Variants in SRPK2 observed in about 807,000 individuals in gnomAD.
SRPK2 encodes SRSF protein kinase 2.
Under a neutral mutation model 90.8 loss-of-function variants are expected in SRPK2, and 21 were observed. That is an observed-to-expected ratio of 0.23 (90% confidence interval 0.16 to 0.33). The LOEUF (loss-of-function observed/expected upper bound fraction) is 0.33. SRPK2 is among the 10% of genes least tolerant of loss of function. The probability of loss-of-function intolerance (pLI) is 1.00; values close to 1 mark genes in which losing one functional copy is unlikely to be tolerated. For synonymous variants in SRPK2, 288 were observed against 311.1 expected, an observed-to-expected ratio of 0.93 and a Z score of 0.78; for missense variants, 620 against 869.0, an observed-to-expected ratio of 0.71 and a Z score of 3.60.
chr7:105,122,829 A>T (rs1800594144), intron 15 of SRPK2, among the ~76,000 whole-genome samples: 1 of 150,678 alleles, frequency 6.6e-6, no homozygotes, highest in Non-Finnish European at 1.5e-5. Context: ...ACACATGCAC[A>T]CAATCACTCT....
chr7:105,170,786 A>AAGGAAGGAAGGAAGGAAGGAC (rs1554435294), intron 3 of SRPK2, among the ~76,000 whole-genome samples: 12 of 67,586 alleles, frequency 1.8e-4, no homozygotes, highest in Admixed American at 3.6e-4. Context: ...GAAGGACGGG[A>AAGGAAGGAAGGAAGGAAGGAC]GGGAGGGAGG....
chr7:105,159,448 C>CAAAAAAAAAAAAAAAAAAAAAAAAAAAA (rs765544583), intron 7 of SRPK2, among the ~76,000 whole-genome samples: 6 of 33,138 alleles, frequency 1.8e-4, no homozygotes, highest in Non-Finnish European at 3.1e-4. Context: ...ACTCCGTCTC[C>CAAAAAAAAAAAAAAAAAAAAAAAAAAAA]AAAAAAAAAA....
chr7:105,219,286 A>C (rs1178527369), intron 2 of SRPK2, among the ~76,000 whole-genome samples: 1 of 152,128 alleles, frequency 6.6e-6, no homozygotes, highest in Non-Finnish European at 1.5e-5. Context: ...GAACAGTTAG[A>C]ATCAGACCAG....
chr7:105,182,782 T>C (rs1793054823), intron 3 of SRPK2, among the ~76,000 whole-genome samples: 1 of 152,198 alleles, frequency 6.6e-6, no homozygotes, highest in Non-Finnish European at 1.5e-5. Context: ...TTGACTTTGT[T>C]ACTTGTAAGG....
intron 2 of SRPK2, among the ~76,000 whole-genome samples, chr7:105,380,351 CAAACTCCTG>C (rs532299364): frequency 6.6e-5 from 10 of 151,520 alleles, no homozygotes; most frequent in Middle Eastern, 3.5e-3. Flanking sequence ...AGGCTGGTCT[CAAACTCCTG>C]ACCTCTAGTG....
intron 3 of SRPK2, among the ~76,000 whole-genome samples, chr7:105,184,256 G>A (rs1362278009): frequency 1.8e-4 from 27 of 152,084 alleles, no homozygotes; most frequent in Admixed American, 1.8e-3. Context: ...TGGGATTATA[G>A]GAGTGAGCCA....
intron 11 of SRPK2, among the ~76,000 whole-genome samples, chr7:105,137,521 G>A (rs1302186931): frequency 6.6e-6 from 1 of 152,128 alleles, no homozygotes; most frequent in Non-Finnish European, 1.5e-5. Flanking sequence ...CAGTGGTGTG[G>A]GTCCCCATCG....
chr7:105,215,681 T>A (rs1797374760), intron 2 of SRPK2, among the ~76,000 whole-genome samples: 1 of 152,194 alleles, frequency 6.6e-6, no homozygotes, highest in Non-Finnish European at 1.5e-5. Flanking sequence ...TCATAGATGC[T>A]ACCACATGGA....
chr7:105,360,485 ATT>A (rs796295627), intron 2 of SRPK2, among the ~76,000 whole-genome samples: 1 of 151,930 alleles, frequency 6.6e-6, no homozygotes, highest in African/African-American at 2.4e-5. Flanking sequence ...GGTCTTTACA[ATT>A]TTTTTTGCAG....
chr7:105,292,437 G>T (rs1250758550), intron 2 of SRPK2, among the ~76,000 whole-genome samples: 1 of 139,926 alleles, frequency 7.1e-6, no homozygotes, highest in African/African-American at 2.6e-5. Context: ...AAACCTGGGA[G>T]GCAGAAGTTG....
intron 3 of SRPK2, among the ~76,000 whole-genome samples, chr7:105,170,386 A>G (rs1790656054): frequency 1.3e-5 from 2 of 151,954 alleles, no homozygotes; most frequent in South Asian, 2.1e-4. Context: ...CTGCCTGGAA[A>G]CATTCCTCAC....
chr7:105,168,745 A>ATGTATGTGTGTGTGTGTGTGTG (rs1790413401), intron 4 of SRPK2, among the ~76,000 whole-genome samples: 1 of 104,008 alleles, frequency 9.6e-6, no homozygotes, highest in Admixed American at 9.5e-5. Context: ...CACGCACCAA[A>ATGTATGTGTGTGTGTGTGTGTG]TGTGTGTGTG....
chr7:105,366,047 G>A (rs1345890424), intron 2 of SRPK2, among the ~76,000 whole-genome samples: 4 of 151,968 alleles, frequency 2.6e-5, no homozygotes, highest in Non-Finnish European at 4.4e-5. Context: ...TAGAGACAGG[G>A]TTTCATGATG....
At position 105,146,479 on chromosome 7, in the gene SRPK2, C is replaced by T. The variant is rs1804646712; in HGVS notation, c.787+14G>A. 2 of 1,613,196 alleles carry T rather than the reference C, an allele frequency of 1.2e-6. No individual in the cohort carries two copies. Among genetic ancestry groups the T allele is most frequent in the Non-Finnish European group, 1.7e-6 (2 of 1,179,476 alleles). ...TGCCCCCACACTGAAATGAAGCTGG[C>T]TCAGCTCCCTCACCTGCAGACCCTG... On this transcript the variant is annotated intron_variant, in intron 8 of 15. Coordinates refer to ENST00000393651, the MANE Select transcript of SRPK2 (RefSeq NM_182692.3).
intron 2 of SRPK2, among the ~76,000 whole-genome samples, chr7:105,290,341 A>T (rs1324733773): frequency 7.1e-6 from 1 of 140,988 alleles, no homozygotes; most frequent in East Asian, 1.9e-4. Flanking sequence ...AATATATATA[A>T]AAAATTAGCC....
chr7:105,134,772 C>T (rs865815224), intron 11 of SRPK2, among the ~76,000 whole-genome samples: 25 of 152,314 alleles, frequency 1.6e-4, no homozygotes, highest in South Asian at 6.2e-4. Flanking sequence ...CTCCAGAGGA[C>T]GCCAAGAGAA....
intron 3 of SRPK2, among the ~76,000 whole-genome samples, chr7:105,185,075 T>A (rs1175293227): frequency 6.6e-6 from 1 of 152,052 alleles, no homozygotes; most frequent in Non-Finnish European, 1.5e-5. Context: ...TTCAAAAACT[T>A]TGGGCTCATT....
intron 2 of SRPK2, among the ~76,000 whole-genome samples, chr7:105,374,132 G>T (rs556291253): frequency 2.0e-5 from 3 of 151,852 alleles, no homozygotes; most frequent in African/African-American, 7.3e-5. Context: ...TCACCATGTT[G>T]GCCAGGCTGG....
intron 2 of SRPK2, among the ~76,000 whole-genome samples, chr7:105,210,120 CG>C (rs1267273949): frequency 6.6e-6 from 1 of 152,098 alleles, no homozygotes; most frequent in African/African-American, 2.4e-5. Context: ...GCTGCTACTG[CG>C]TATTTCTTTT....
Sources: allele counts gnomAD v4.1 joint callset (sites outside exome capture counted in the v4.1 genomes callset), GRCh38; gene constraint gnomAD v4.1.1; transcripts MANE v1.5; gene names NCBI Gene and HGNC (gene_info 2026-07-23, HGNC 2026-07-21).